BBOX1: variants seen among roughly 807,000 people sequenced by gnomAD.
BBOX1 encodes gamma-butyrobetaine hydroxylase 1.
BBOX1 carries 35 observed loss-of-function variants against 41.6 expected under a neutral mutation model. That is an observed-to-expected ratio of 0.84 (90% CI 0.64 to 1.11). The LOEUF is 1.11. Ranked by LOEUF, BBOX1 falls within the 50% of genes most tolerant of loss-of-function variation. The pLI is 0.00. For missense variants in BBOX1, 458 were observed against 460.6 expected, an observed-to-expected ratio of 0.99 and a Z score of 0.05; for synonymous variants, 163 against 154.7, an observed-to-expected ratio of 1.05 and a Z score of -0.40.
intron 2 of BBOX1, among the ~76,000 whole-genome samples, chr11:27,045,475 T>C (rs1184499843): frequency 2.0e-5 from 3 of 152,122 alleles, no homozygotes; most frequent in Non-Finnish European, 4.4e-5. Flanking sequence ...TGTTGAATAG[T>C]AGTTGTGTCA....
chr11:27,080,474 T>C (rs983115619), intron 4 of BBOX1, among the ~76,000 whole-genome samples: 3 of 152,102 alleles, frequency 2.0e-5, no homozygotes, highest in African/African-American at 4.8e-5. Context: ...TTCATCATAC[T>C]CAATGAGTGT....
rs1859716727 is a variant in BBOX1, at chr11:27,127,757, T to G, written c.*304T>G. The G allele has an allele frequency of 3.9e-6, 1 of 255,622 alleles. No homozygotes were observed. The highest frequency in any genetic ancestry group is 9.8e-5 in the East Asian group (1 of 10,190). The allele number at this position is 255,622 out of a possible 1,614,324, so 15.8% of individuals were successfully genotyped here. A position where few individuals can be genotyped will look rare whatever the true frequency, so the allele number is the denominator to read the frequency against. ...ATAGTTTTTGTAGCAAATGAAAATT[T>G]CTTCAAATAAGCCTTTTGTTTCAAA... On this transcript the variant is annotated 3_prime_UTR_variant, in exon 9 of 9. Coordinates refer to ENST00000263182, the MANE Select transcript of BBOX1 (RefSeq NM_003986.3).
At chr11:27,108,538 T>C (rs572568145) in intron 5 of BBOX1, among the ~76,000 whole-genome samples, 1 of 152,226 alleles carries the variant, frequency 6.6e-6, no homozygotes, top group African/African-American at 2.4e-5. Context: ...ATATTTTGTA[T>C]GGTCTATGGA....
At chr11:27,044,621 G>A (rs1344150824) in intron 2 of BBOX1, among the ~76,000 whole-genome samples, 2 of 152,030 alleles carry the variant, frequency 1.3e-5, no homozygotes, top group Admixed American at 1.3e-4. Flanking sequence ...TAAGGTGTAA[G>A]GAATGGATCC....
chr11:27,054,264 TC>T (rs1856909778), intron 2 of BBOX1, among the ~76,000 whole-genome samples: 1 of 150,838 alleles, frequency 6.6e-6, no homozygotes, highest in Admixed American at 6.6e-5. Flanking sequence ...CATTCCTACT[TC>T]CCCTTCATCT....
At chr11:27,074,013 G>A (rs907091242) in intron 4 of BBOX1, among the ~76,000 whole-genome samples, 10 of 151,978 alleles carry the variant, frequency 6.6e-5, no homozygotes, top group Admixed American at 5.9e-4. Context: ...ATATACATGT[G>A]TAACAAACCT....
chr11:27,042,163 A>ACAT (rs1225184131), intron 2 of BBOX1, among the ~76,000 whole-genome samples: 1 of 152,246 alleles, frequency 6.6e-6, no homozygotes, highest in African/African-American at 2.4e-5. Context: ...ACTTTGCATT[A>ACAT]CATCAGAAAA....
intron 2 of BBOX1, among the ~76,000 whole-genome samples, chr11:27,043,459 C>CAGAATATGCAGGTTTGGGGTACAT (rs1564948369): frequency 6.6e-6 from 1 of 151,306 alleles, no homozygotes; most frequent in African/African-American, 2.4e-5. Flanking sequence ...TTGGGGTACA[C>CAGAATATGCAGGTTTGGGGTACAT]GTGCAGAATG....
At chr11:27,045,718 A>G (rs1044560502) in intron 2 of BBOX1, among the ~76,000 whole-genome samples, 1 of 152,294 alleles carries the variant, frequency 6.6e-6, no homozygotes, top group South Asian at 2.1e-4. Context: ...GTTTGCTAAC[A>G]TAGGTCTATG....
intron 5 of BBOX1, among the ~76,000 whole-genome samples, chr11:27,112,779 T>C (rs1859117682): frequency 6.6e-6 from 1 of 151,796 alleles, no homozygotes. Flanking sequence ...ACAAAAACAA[T>C]TGCAACAAAA....
chr11:27,070,189 GGTCT>G (rs1857400515), intron 4 of BBOX1, among the ~76,000 whole-genome samples: 1 of 152,014 alleles, frequency 6.6e-6, no homozygotes, highest in South Asian at 2.1e-4. Flanking sequence ...ACTATTATAT[GGTCT>G]GTCTTGGAAA....
chr11:27,083,886 G>T, intron 4 of BBOX1, among the ~76,000 whole-genome samples: 1 of 152,114 alleles, frequency 6.6e-6, no homozygotes, highest in East Asian at 1.9e-4. Context: ...GTGCTGGAGG[G>T]CCAGAGAAGT....
intron 4 of BBOX1, among the ~76,000 whole-genome samples, chr11:27,074,284 T>C (rs919976411): frequency 6.6e-6 from 1 of 151,956 alleles, no homozygotes; most frequent in African/African-American, 2.4e-5. Context: ...GAGAATGCAC[T>C]AATACAGAAA....
At chr11:27,099,600 C>T (rs1380488386) in intron 5 of BBOX1, among the ~76,000 whole-genome samples, 1 of 151,874 alleles carries the variant, frequency 6.6e-6, no homozygotes, top group African/African-American at 2.4e-5. Flanking sequence ...AATTGGGGAC[C>T]CAGTGCCCCC....
intron 2 of BBOX1, among the ~76,000 whole-genome samples, chr11:27,047,570 A>G (rs1851524274): frequency 1.3e-5 from 2 of 152,158 alleles, no homozygotes; most frequent in Non-Finnish European, 2.9e-5. Flanking sequence ...AAAATTTTCA[A>G]ACACATGAAT....
At chr11:27,059,612 A>G (rs1857081033) in intron 4 of BBOX1, among the ~76,000 whole-genome samples, 2 of 152,180 alleles carry the variant, frequency 1.3e-5, no homozygotes, top group South Asian at 4.1e-4. Flanking sequence ...CAGGCACTCA[A>G]CGACCTGTGA....
At chr11:27,057,891 T>C (rs1415185154) in intron 4 of BBOX1, among the ~76,000 whole-genome samples, 1 of 152,026 alleles carries the variant, frequency 6.6e-6, no homozygotes, top group Non-Finnish European at 1.5e-5. Flanking sequence ...AACAGAACAA[T>C]GTTCAGAAAA....
intron 2 of BBOX1, among the ~76,000 whole-genome samples, chr11:27,043,243 T>G (rs555815324): frequency 1.3e-5 from 2 of 152,156 alleles, no homozygotes; most frequent in Non-Finnish European, 2.9e-5. Context: ...TTTTGTATTT[T>G]TAGTAGAGAC....
intron 5 of BBOX1, among the ~76,000 whole-genome samples, chr11:27,098,043 T>C (rs1437769137): frequency 6.6e-6 from 1 of 152,034 alleles, no homozygotes; most frequent in Non-Finnish European, 1.5e-5. Flanking sequence ...CTTCTTTCTC[T>C]TCCTGCTTAA....
Sources: allele counts gnomAD v4.1 joint callset (sites outside exome capture counted in the v4.1 genomes callset), GRCh38; gene constraint gnomAD v4.1.1; transcripts MANE v1.5; gene names NCBI Gene and HGNC (gene_info 2026-07-23, HGNC 2026-07-21).